Variants in GRTP1 observed in about 807,000 individuals in gnomAD.
GRTP1 encodes the protein growth hormone regulated TBC protein 1.
GRTP1 carries 56 observed loss-of-function variants against 38.1 expected under a neutral mutation model. The observed-to-expected ratio is 1.47, with a 90% CI of 1.19 to 1.84. The LOEUF (loss-of-function observed/expected upper bound fraction) is 1.84, where lower values mean the gene tolerates loss of function less well. GRTP1 is among the 40% of genes most tolerant of loss of function. The probability of loss-of-function intolerance (pLI) is 0.00; values close to 1 mark genes in which losing one functional copy is unlikely to be tolerated. For synonymous variants in GRTP1, 217 were observed against 189.5 expected (o/e 1.14, Z -1.19); for missense variants, 506 against 453.9 (o/e 1.11, Z -1.04).
intron 7 of GRTP1, 182 bp downstream of exon 7, chr13:113,325,479 C>A (rs1236080621): frequency 3.4e-6 from 5 of 1,461,562 alleles, no homozygotes; most frequent in Non-Finnish European, 4.5e-6. Flanking sequence ...CCGCCATAGA[C>A]AGGAAAGCCC....
intron 2 of GRTP1, chr13:113,359,567 C>G (rs2043456984): frequency 6.6e-6 from 1 of 152,210 alleles, no homozygotes; most frequent in South Asian, 2.1e-4. Context: ...GAGCAAGACC[C>G]TGTCTCGATA....
chr13:113,338,478 G>T (rs1024330296), intron 5 of GRTP1, among the ~76,000 whole-genome samples: 2 of 152,170 alleles, frequency 1.3e-5, no homozygotes, highest in South Asian at 4.1e-4. Context: ...AGTGGTGGGG[G>T]AAACCGGGGA....
At chr13:113,363,296 C>T (rs1183141208) in intron 2 of GRTP1, among the ~76,000 whole-genome samples, 1 of 152,226 alleles carries the variant, frequency 6.6e-6, no homozygotes, top group Non-Finnish European at 1.5e-5. Flanking sequence ...CAACCTCCGC[C>T]TACTGGGTTC....
rs1595511934 is a variant in GRTP1 at position 113,356,275 on chromosome 13, T to A, written c.182-794A>T. Among the ~76,000 whole-genome samples the A allele has an allele frequency of 1.3e-5, 2 of 152,262 alleles. 1 individual carries two copies. Among genetic ancestry groups the A allele is most frequent in the Middle Eastern group, 6.8e-3 (2 of 294 alleles). On this transcript the variant is annotated intron_variant, in intron 2 of 7. Coordinates refer to ENST00000375431, the MANE Select transcript of GRTP1 (RefSeq NM_024719.4). ...TATATATATTTTATTTTATTTTATT[T>A]TATTTTTTTCGAGACGGAGTCTTGT... is the stretch of plus-strand genomic sequence containing the variant.
In GRTP1 at chr13:113,350,980, G is replaced by A; in HGVS notation, c.341-7C>T. 6.2e-7 allele frequency: 1 copy of A among 1,613,648 alleles called. No homozygotes were observed. Among genetic ancestry groups the A allele is most frequent in the Non-Finnish European group, 8.5e-7 (1 of 1,179,628 alleles). ...GGGAAGGTCCGGTTCAGGTCTGTGG[G>A]AAATTCAGAAGGAATCACCCACGGG... On this transcript the variant is annotated splice_polypyrimidine_tract_variant and splice_region_variant and intron_variant, in intron 3 of 7. Transcript: ENST00000375431.
chr13:113,363,611 G>A (rs573719200), intron 2 of GRTP1, 151 bp downstream of exon 2: 11 of 786,442 alleles, frequency 1.4e-5, no homozygotes, highest in Non-Finnish European at 2.0e-5. Flanking sequence ...CGGTCCCTGC[G>A]GCTGCCCTAG....
At chr13:113,358,510 A>C (rs2043436943) in intron 2 of GRTP1, among the ~76,000 whole-genome samples, 1 of 152,222 alleles carries the variant, frequency 6.6e-6, no homozygotes, top group South Asian at 2.1e-4. Context: ...AAAAGAACCA[A>C]AACAATTTTG....
At chr13:113,332,180 T>G (rs2042880268) in intron 5 of GRTP1, among the ~76,000 whole-genome samples, 1 of 151,738 alleles carries the variant, frequency 6.6e-6, no homozygotes, top group African/African-American at 2.4e-5. Flanking sequence ...TCCCTGACTG[T>G]GAACATTTCA....
chr13:113,346,550 A>G (rs148082766), intron 4 of GRTP1, among the ~76,000 whole-genome samples: 56 of 912 alleles, frequency 0.061, 10 homozygotes, highest in African/African-American at 0.063. Context: ...CTCTGTGGCA[A>G]AGAGCAGACC....
At chr13:113,336,107 C>T (rs920197481) in intron 5 of GRTP1, among the ~76,000 whole-genome samples, 1 of 152,048 alleles carries the variant, frequency 6.6e-6, no homozygotes, top group Non-Finnish European at 1.5e-5. Flanking sequence ...CTCATTCTTT[C>T]TAAGGCTGAA....
At chr13:113,334,505 C>T (rs868670666) in intron 5 of GRTP1, among the ~76,000 whole-genome samples, 7 of 152,126 alleles carry the variant, frequency 4.6e-5, no homozygotes, top group Admixed American at 2.0e-4. Flanking sequence ...ACCACTCTTG[C>T]GGATTCTCAA....
At chr13:113,333,771 G>A (rs10467695) in intron 5 of GRTP1, among the ~76,000 whole-genome samples, 2,353 of 151,942 alleles carry the variant, frequency 0.015, 68 homozygotes, top group African/African-American at 0.054. Flanking sequence ...GATTACAGGC[G>A]AGAGCCACCA....
At chr13:113,325,040 G>A (rs1253097925) in intron 7 of GRTP1, 12 of 828,048 alleles carry the variant, frequency 1.4e-5, no homozygotes, top group Non-Finnish European at 1.8e-5. Context: ...GTGTTGGCCA[G>A]GCTGGTCTTG....
intron 5 of GRTP1, among the ~76,000 whole-genome samples, chr13:113,331,423 G>A (rs1030317396): frequency 3.3e-5 from 5 of 152,088 alleles, no homozygotes; most frequent in African/African-American, 1.2e-4. Flanking sequence ...CATGGGAGGC[G>A]GCCCAGGAGG....
Position 113,329,047 on chromosome 13 carries a change from C to T in GRTP1, c.563-2956G>A, listed in dbSNP as rs143574383. Among the ~76,000 whole-genome samples the T allele has an allele frequency of 2.7e-3, 406 of 152,382 alleles. 2 individuals are homozygous for T. Among genetic ancestry groups the T allele is most frequent in the African/African-American group, 9.3e-3 (388 of 41,592 alleles). ...GGTGAATGCGCCCAGGCGCCAGCCA[C>T]GCTTTATGTCCCCCGATCCGGGTGC... On this transcript the variant is annotated intron_variant, in intron 5 of 7. Transcript: ENST00000375431.
chr13:113,336,673 GACCCC>G (rs1253232171), intron 5 of GRTP1, among the ~76,000 whole-genome samples: 2 of 152,148 alleles, frequency 1.3e-5, no homozygotes, highest in African/African-American at 4.8e-5. Flanking sequence ...GGGAACACGA[GACCCC>G]ACCTGATGTC....
chr13:113,357,571 A>G (rs1040946), intron 2 of GRTP1, among the ~76,000 whole-genome samples: 149,117 of 152,190 alleles, frequency 0.98, 73,112 homozygotes, highest in Middle Eastern at 1. Context: ...CACTGCTTAC[A>G]GGAACATGAA....
At chr13:113,363,991 C>G in intron 1 of GRTP1, 29 bp downstream of exon 1, 1 of 1,492,228 alleles carries the variant, frequency 6.7e-7, no homozygotes, top group Non-Finnish European at 8.9e-7. Context: ...CCGCAGCCGC[C>G]GGGGACGCCC....
In GRTP1 at chr13:113,364,088, G is replaced by A; in HGVS notation, c.-37C>T. On this transcript the variant is annotated 5_prime_UTR_variant, in exon 1 of 8. Coordinates refer to ENST00000375431, the MANE Select transcript of GRTP1 (RefSeq NM_024719.4). Reference sequence around the variant, plus strand: ...GGCGCGCACCGAGCGAGGCCAGCGGGTCCCAAGTTCGCCTCCCGGCTCCGG... The same window carrying A: ...GGCGCGCACCGAGCGAGGCCAGCGGATCCCAAGTTCGCCTCCCGGCTCCGG... 1 of 1,238,040 alleles carries A rather than the reference G, an allele frequency of 8.1e-7. No homozygotes were observed. Among genetic ancestry groups the A allele is most frequent in the Non-Finnish European group, 1.0e-6 (1 of 995,690 alleles). 76.7% of individuals were successfully genotyped at this position (1,238,040 alleles called of 1,614,324 possible).
Sources: gnomAD v4.1 joint callset for allele counts (sites outside exome capture counted in the v4.1 genomes callset) on GRCh38, gnomAD v4.1.1 for gene constraint, MANE v1.5 for transcripts, NCBI Gene and HGNC (gene_info 2026-07-23, HGNC 2026-07-21) for gene names.